PAPOLA: variants seen among roughly 807,000 people sequenced by gnomAD.
The protein encoded by PAPOLA is polynucleotide adenylyltransferase alpha.
Under a neutral mutation model 100.6 loss-of-function variants are expected in PAPOLA, and 15 were observed. The observed-to-expected ratio is 0.15, with a 90% CI of 0.10 to 0.23. PAPOLA has a LOEUF of 0.23. Ranked by LOEUF, PAPOLA falls within the 10% of genes least tolerant of loss-of-function variation. The pLI is 1.00. For synonymous variants in PAPOLA, 293 were observed against 300.0 expected, an observed-to-expected ratio of 0.98 and a Z score of 0.24; for missense variants, 533 against 884.2, an observed-to-expected ratio of 0.60 and a Z score of 5.04.
chr14:96,512,933 C>T (rs933201858), intron 1 of PAPOLA, among the ~76,000 whole-genome samples: 1 of 152,170 alleles, frequency 6.6e-6, no homozygotes, highest in African/African-American at 2.4e-5. Flanking sequence ...TAGGGGATAG[C>T]CCTGGGATAG....
At chr14:96,518,619 G>A (rs991866253) in intron 1 of PAPOLA, among the ~76,000 whole-genome samples, 3 of 151,740 alleles carry the variant, frequency 2.0e-5, no homozygotes, top group Non-Finnish European at 4.4e-5. Flanking sequence ...CTGTGGTCTC[G>A]ATCTCCTGAC....
Position 96,527,946 on chromosome 14 carries a change from C to A in PAPOLA, c.442-7C>A. Reference sequence around the variant, plus strand: ...AGAGACCCTGAACTTGTTTACTTTCCTTATAGGCTGTTGAAGAGGCATTCG... The same window carrying A: ...AGAGACCCTGAACTTGTTTACTTTCATTATAGGCTGTTGAAGAGGCATTCG... On this transcript the variant is annotated splice_region_variant and splice_polypyrimidine_tract_variant and intron_variant, in intron 5 of 21. Transcript: ENST00000216277. The A allele has an allele frequency of 6.2e-7, 1 of 1,600,504 alleles. No individual in the cohort carries two copies. The highest frequency in any genetic ancestry group is 8.6e-7 in the Non-Finnish European group (1 of 1,167,828).
At chr14:96,528,054 T>G in intron 6 of PAPOLA, 48 bp downstream of exon 6, 1 of 1,222,542 alleles carries the variant, frequency 8.2e-7, no homozygotes, top group Non-Finnish European at 1.2e-6. Context: ...CTGTCACTAA[T>G]TTTGATTGAT....
At chr14:96,520,895 G>T (rs1897907465) in intron 2 of PAPOLA, 111 bp from the exon 3 acceptor site, 1 of 680,622 alleles carries the variant, frequency 1.5e-6, no homozygotes, top group Non-Finnish European at 2.7e-6. Context: ...AATATACTGT[G>T]CTTCTGATTG....
chr14:96,511,422 A>G (rs983151005), intron 1 of PAPOLA, among the ~76,000 whole-genome samples: 3 of 152,198 alleles, frequency 2.0e-5, no homozygotes, highest in Non-Finnish European at 4.4e-5. Context: ...TTGAGATGCA[A>G]AGTACTTAAA....
chr14:96,535,274 T>G (rs1899417876), intron 10 of PAPOLA: 1 of 974,946 alleles, frequency 1.0e-6, no homozygotes, highest in South Asian at 4.7e-5. Context: ...CTATGCATTT[T>G]CAGGTTTTCC....
At chr14:96,540,731 A>C (rs745621797) in intron 12 of PAPOLA, among the ~76,000 whole-genome samples, 3 of 152,052 alleles carry the variant, frequency 2.0e-5, no homozygotes, top group Admixed American at 6.5e-5. Flanking sequence ...TTATATATCT[A>C]TCTCTGTTAC....
chr14:96,559,770 A>T (rs1256131523), intron 19 of PAPOLA, among the ~76,000 whole-genome samples: 1 of 151,834 alleles, frequency 6.6e-6, no homozygotes, highest in Admixed American at 6.6e-5. Context: ...ACATACCCAC[A>T]TCACTTCCTT....
chr14:96,542,086 T>A (rs1900040499), intron 12 of PAPOLA, 157 bp from the exon 13 acceptor site: 1 of 466,304 alleles, frequency 2.1e-6, no homozygotes, highest in Non-Finnish European at 3.9e-6. Flanking sequence ...AAACATGGAA[T>A]TTAGCATATA....
chr14:96,532,410 A>G lies in PAPOLA; in HGVS notation c.687A>G (p.Leu229=), dbSNP rs1899115932. The part of the protein sequence containing the change: ...NFRLTLRAIK[L]WAKRHNIYSN... ...GGTTAACTCTGAGAGCTATCAAACT[A>G]TGGGCCAAACGTGAGTTCAGAATTT... Residue 229 remains leucine, a synonymous_variant, in exon 8 of 22, where the codon CTA becomes CTG. Transcript: ENST00000216277. 2 of 1,612,854 alleles carry G rather than the reference A, an allele frequency of 1.2e-6. No homozygotes were observed. Among genetic ancestry groups the G allele is most frequent in the South Asian group, 1.1e-5 (1 of 90,654 alleles).
At chr14:96,547,638 G>A in intron 15 of PAPOLA, 159 bp from the exon 16 acceptor site, 1 of 512,522 alleles carries the variant, frequency 2.0e-6, no homozygotes, top group African/African-American at 2.0e-5. Flanking sequence ...GTTTGCTCAG[G>A]CAATGAATTA....
chr14:96,539,399 T>A (rs1899795767), intron 12 of PAPOLA, among the ~76,000 whole-genome samples: 1 of 152,130 alleles, frequency 6.6e-6, no homozygotes, highest in Non-Finnish European at 1.5e-5. Flanking sequence ...AGTTATGATC[T>A]TCCCAGGTGA....
Position 96,527,974 on chromosome 14 carries a change from C to T in PAPOLA, c.463C>T (p.Pro155Ser). Reference sequence around the variant, plus strand: ...ATAGGCTGTTGAAGAGGCATTCGTACCAGTTATTAAACTCTGTTTTGATGG... The same window carrying T: ...ATAGGCTGTTGAAGAGGCATTCGTATCAGTTATTAAACTCTGTTTTGATGG... ...DLRAVEEAFVPVIKLCFDGIE... is the reference protein window; with the variant it reads ...DLRAVEEAFVSVIKLCFDGIE... Residue 155 changes from proline (P) to serine (S), a missense_variant, in exon 6 of 22, where the codon CCA becomes TCA. Physicochemically the swap from Pro to Ser is moderately conservative, Grantham distance 74 (BLOSUM62 -1). Transcript: ENST00000216277. 6.2e-7 allele frequency: 1 copy of T among 1,608,610 alleles called. No individual in the cohort carries two copies. The highest frequency in any genetic ancestry group is 8.5e-7 in the Non-Finnish European group (1 of 1,175,222).
At chr14:96,560,377 C>A in intron 19 of PAPOLA, 1 of 256,764 alleles carries the variant, frequency 3.9e-6, no homozygotes, top group Non-Finnish European at 7.2e-6. Context: ...AAATATATTT[C>A]TATGAACTCT....
chr14:96,533,884 A>G, intron 9 of PAPOLA: 1 of 985,548 alleles, frequency 1.0e-6, no homozygotes, highest in Non-Finnish European at 1.2e-6. Context: ...ACACATATAT[A>G]AGCAAATAAT....
intron 12 of PAPOLA, among the ~76,000 whole-genome samples, chr14:96,540,098 AT>A (rs1289047762): frequency 6.6e-6 from 1 of 152,204 alleles, no homozygotes; most frequent in Non-Finnish European, 1.5e-5. Flanking sequence ...GTAAGAAGTT[AT>A]GTTGAACTCT....
chr14:96,542,825 G>A lies in PAPOLA; in HGVS notation c.1221G>A (p.Lys407=). Residue 407 remains lysine (K), a synonymous_variant, in exon 14 of 22, where the codon AAG becomes AAA. Coordinates refer to ENST00000216277, the MANE Select transcript of PAPOLA (RefSeq NM_032632.5). The part of the protein sequence containing the change: ...KIRILVGSLE[K]NEFITLAHVN... ...GAATCCTGGTTGGAAGCTTGGAGAAGAATGAATTTATTACACTGGCTCATG... is the reference window on the plus strand; with the variant it reads ...GAATCCTGGTTGGAAGCTTGGAGAAAAATGAATTTATTACACTGGCTCATG... 1 of 1,612,560 alleles carries A rather than the reference G, an allele frequency of 6.2e-7. No individual in the cohort carries two copies. Among genetic ancestry groups the A allele is most frequent in the East Asian group, 2.2e-5 (1 of 44,780 alleles).
At chr14:96,561,413 C>T (rs1015540390) in intron 20 of PAPOLA, among the ~76,000 whole-genome samples, 5 of 152,078 alleles carry the variant, frequency 3.3e-5, no homozygotes, top group Admixed American at 2.0e-4. Context: ...TTTGTGTGTG[C>T]CCTCATAATG....
Position 96,528,001 on chromosome 14 carries a change from A to C in PAPOLA, c.490A>C (p.Ile164Leu). 6.3e-7 allele frequency: 1 copy of C among 1,596,382 alleles called. No individual in the cohort carries two copies. The highest frequency in any genetic ancestry group is 8.6e-7 in the Non-Finnish European group (1 of 1,164,078). The change falls in exon 6 of 22, where the codon ATA becomes CTA. Residue 164 changes from isoleucine to leucine, a missense_variant. Coordinates refer to ENST00000216277, the MANE Select transcript of PAPOLA (RefSeq NM_032632.5). Reference protein sequence around the residue: ...VPVIKLCFDGIEIDILFARLA... With the variant: ...VPVIKLCFDGLEIDILFARLA... ...AGTTATTAAACTCTGTTTTGATGGG[A>C]TAGAGGTAAGGTATAGTTCAAATTG... is the stretch of plus-strand genomic sequence containing the variant.
Sources: gnomAD v4.1 joint callset for allele counts (sites outside exome capture counted in the v4.1 genomes callset) on GRCh38, gnomAD v4.1.1 for gene constraint, MANE v1.5 for transcripts, NCBI Gene and HGNC (gene_info 2026-07-23, HGNC 2026-07-21) for gene names.